CHODL: variants seen among roughly 807,000 people sequenced by gnomAD.
CHODL encodes the protein chondrolectin.
In CHODL, 29 loss-of-function variants were observed where a neutral mutation model predicts 34.5. That is an observed-to-expected ratio of 0.84 (90% confidence interval 0.63 to 1.15). The LOEUF is 1.15. Ranked by LOEUF, CHODL falls within the 50% of genes most tolerant of loss-of-function variation. CHODL has a pLI of 0.00. For synonymous variants in CHODL, 125 were observed against 116.1 expected (o/e 1.08, Z -0.49); for missense variants, 332 against 332.5 (o/e 1.00, Z 0.01).
intron 1 of CHODL, among the ~76,000 whole-genome samples, chr21:17,944,005 A>C (rs1233382941): frequency 1.3e-5 from 2 of 152,164 alleles, no homozygotes; most frequent in Admixed American, 6.5e-5. Flanking sequence ...ATATCAGCTA[A>C]ACTTATAGTA....
At chr21:18,265,194 C>T (rs11909590) in intron 5 of CHODL, among the ~76,000 whole-genome samples, 8,763 of 127,816 alleles carry the variant, frequency 0.069, 315 homozygotes, top group African/African-American at 0.09. Context: ...TATATATATA[C>T]ACACACACAC....
intron 1 of CHODL, among the ~76,000 whole-genome samples, chr21:17,990,953 C>T (rs1429851966): frequency 6.6e-6 from 1 of 152,094 alleles, no homozygotes; most frequent in Non-Finnish European, 1.5e-5. Flanking sequence ...TAAATAACCT[C>T]TCTTCACCTT....
At chr21:18,215,204 A>C (rs1408245043) in intron 2 of CHODL, among the ~76,000 whole-genome samples, 2 of 151,842 alleles carry the variant, frequency 1.3e-5, no homozygotes, top group African/African-American at 4.8e-5. Flanking sequence ...AACATGAAAA[A>C]AAAAAAAAGG....
chr21:17,948,414 A>G (rs1211425400), intron 1 of CHODL, among the ~76,000 whole-genome samples: 1 of 152,056 alleles, frequency 6.6e-6, no homozygotes, highest in Non-Finnish European at 1.5e-5. Context: ...TTAAACCCAC[A>G]ATTAATAGAA....
At chr21:18,249,868 C>T (rs1201565419) in intron 1 of CHODL, among the ~76,000 whole-genome samples, 2 of 152,086 alleles carry the variant, frequency 1.3e-5, no homozygotes, top group African/African-American at 2.4e-5. Context: ...TGCACTGTGT[C>T]GAGGTACAAG....
At position 18,129,594 on chromosome 21, in the gene CHODL, G is replaced by T. The variant is rs73894755; in HGVS notation, c.-45+101623G>T. Among the ~76,000 whole-genome samples, 532 of 152,242 alleles carry T rather than the reference G, an allele frequency of 3.5e-3. 1 individual carries two copies. The highest frequency in any genetic ancestry group is 0.012 in the African/African-American group (504 of 41,536). On this transcript the variant is annotated intron_variant, in intron 2 of 6. Transcript: ENST00000400127. ...CTTTGTAGTAGGGCTTTGAGAATTA[G>T]GGTTGAGTGATCCTAACATCATCTG...
At chr21:17,933,273 G>C (rs1399116886) in intron 1 of CHODL, among the ~76,000 whole-genome samples, 1 of 152,160 alleles carries the variant, frequency 6.6e-6, no homozygotes, top group Non-Finnish European at 1.5e-5. Context: ...CCATTTATGG[G>C]TGTCGGGCTG....
Position 18,203,302 on chromosome 21 carries a change from C to A in CHODL, c.-44-53207C>A, listed in dbSNP as rs138647238. Among the ~76,000 whole-genome samples the A allele has an allele frequency of 8.3e-3, 1,266 of 152,112 alleles. 26 individuals are homozygous for A. The highest frequency in any genetic ancestry group is 0.029 in the African/African-American group (1,192 of 41,510). The stretch of plus-strand genomic sequence containing the variant: ...ATGAGGAAGATGTCAGCTTAGAGGG[C>A]TAATATATAACTTTTAAAATCAAGT... On this transcript the variant is annotated intron_variant, in intron 2 of 6. Coordinates refer to the CHODL transcript ENST00000400127.
intron 1 of CHODL, among the ~76,000 whole-genome samples, chr21:18,017,957 A>G (rs1294129733): frequency 2.0e-5 from 3 of 152,210 alleles, no homozygotes; most frequent in Admixed American, 6.5e-5. Context: ...TGGGACATGG[A>G]GTCAAAGGAG....
At chr21:18,046,888 T>G (rs1658826701) in intron 2 of CHODL, among the ~76,000 whole-genome samples, 1 of 151,948 alleles carries the variant, frequency 6.6e-6, no homozygotes, top group Admixed American at 6.6e-5. Flanking sequence ...CTAATGGCCT[T>G]TGTGGGCAAA....
At chr21:18,249,305 G>C (rs949377339) in intron 1 of CHODL, among the ~76,000 whole-genome samples, 1 of 150,642 alleles carries the variant, frequency 6.6e-6, no homozygotes, top group Non-Finnish European at 1.5e-5. Context: ...TATTCCTCAT[G>C]ATATAACACA....
chr21:18,114,178 T>C (rs1257763471), intron 2 of CHODL, among the ~76,000 whole-genome samples: 1 of 152,082 alleles, frequency 6.6e-6, no homozygotes, highest in Non-Finnish European at 1.5e-5. Context: ...TAGGGATGGT[T>C]AACAGATACA....
Position 18,267,132 on chromosome 21 carries a change from ACATTT to A in CHODL, c.*1095_*1099del, listed in dbSNP as rs2074473742. ...GTGTGGAGACAAGCACAGCACACAG[ACATTT>A]TAGGAAGGAAAGGAACTACGAAATC... On this transcript the variant is annotated 3_prime_UTR_variant, in exon 6 of 6. Transcript: ENST00000299295. 6.6e-6 allele frequency: 1 copy of A among 152,212 alleles called. No homozygotes were observed. Among genetic ancestry groups the A allele is most frequent in the Non-Finnish European group, 1.5e-5 (1 of 68,048 alleles). The allele number at this position is 152,212 out of a possible 1,614,324, so 9.4% of individuals were successfully genotyped here.
At chr21:18,064,361 C>T (rs2064705033) in intron 2 of CHODL, among the ~76,000 whole-genome samples, 2 of 152,166 alleles carry the variant, frequency 1.3e-5, no homozygotes, top group South Asian at 4.1e-4. Flanking sequence ...GTGCCCTACA[C>T]AAACCTATGT....
intron 4 of CHODL, among the ~76,000 whole-genome samples, chr21:18,262,474 A>G (rs2074394127): frequency 1.3e-5 from 2 of 152,202 alleles, no homozygotes; most frequent in Non-Finnish European, 2.9e-5. Flanking sequence ...TGGAATTTGT[A>G]TATCAAAACC....
At chr21:17,961,120 A>G (rs2063529164) in intron 1 of CHODL, among the ~76,000 whole-genome samples, 1 of 152,180 alleles carries the variant, frequency 6.6e-6, no homozygotes, top group South Asian at 2.1e-4. Flanking sequence ...ATAAATGCTT[A>G]CTGACTGAAC....
chr21:18,036,226 T>G (rs567232119), intron 2 of CHODL, among the ~76,000 whole-genome samples: 1 of 152,124 alleles, frequency 6.6e-6, no homozygotes, highest in African/African-American at 2.4e-5. Context: ...TCTGAGATTT[T>G]TTTCAGTCTA....
intron 1 of CHODL, among the ~76,000 whole-genome samples, chr21:17,977,668 TA>T (rs1307345295): frequency 2.1e-5 from 3 of 140,654 alleles, no homozygotes; most frequent in Non-Finnish European, 4.6e-5. Flanking sequence ...CCAGATTTCT[TA>T]AAAAGATAAA....
At chr21:18,084,920 AGTGTGTGT>A (rs376876845) in intron 2 of CHODL, among the ~76,000 whole-genome samples, 198 of 85,320 alleles carry the variant, frequency 2.3e-3, no homozygotes, top group African/African-American at 5.6e-3. Context: ...GTCTAGTAAT[AGTGTGTGT>A]GTGTGTGTGT....
Sources: gnomAD v4.1 joint callset for allele counts (sites outside exome capture counted in the v4.1 genomes callset) on GRCh38, gnomAD v4.1.1 for gene constraint, MANE v1.5 for transcripts, NCBI Gene and HGNC (gene_info 2026-07-23, HGNC 2026-07-21) for gene names.